KPNB1: variants seen among roughly 807,000 people sequenced by gnomAD.
KPNB1 encodes the protein importin subunit beta-1.
In KPNB1, 7 loss-of-function variants were observed where a neutral mutation model predicts 113.0. The observed-to-expected ratio is 0.06, with a 90% CI of 0.04 to 0.12. The LOEUF is 0.12. Ranked by LOEUF, KPNB1 falls within the 10% of genes least tolerant of loss-of-function variation. KPNB1 has a pLI of 1.00. For synonymous variants in KPNB1, 363 were observed against 378.6 expected (o/e 0.96, Z 0.48); for missense variants, 400 against 1,054.8 (o/e 0.38, Z 8.60).
chr17:47,676,825 T>TA, intron 16 of KPNB1, among the ~76,000 whole-genome samples, 195 bp from the exon 17 acceptor site: 1 of 151,638 alleles, frequency 6.6e-6, no homozygotes, highest in East Asian at 1.9e-4. Context: ...TTTTTTTTTT[T>TA]TTTAACTTTA....
At chr17:47,662,091 C>G (rs1435461626) in intron 6 of KPNB1, 2 of 152,126 alleles carry the variant, frequency 1.3e-5, no homozygotes, top group Non-Finnish European at 2.9e-5. Flanking sequence ...ACCATGGGTT[C>G]CACACGCACC....
Position 47,684,618 on chromosome 17 carries a change from T to C in KPNB1, c.*2214T>C, listed in dbSNP as rs2030888693. On this transcript the variant is annotated 3_prime_UTR_variant, in exon 22 of 22. Transcript: ENST00000290158. ...CTACCCATTTCTGTCCTGTGTGGGC[T>C]GCTTAGCTAGACAGCAGGAGAATAA... is the stretch of plus-strand genomic sequence containing the variant. The C allele has an allele frequency of 6.6e-6, 1 of 152,602 alleles. No homozygotes were observed. Among genetic ancestry groups the C allele is most frequent in the Non-Finnish European group, 1.5e-5 (1 of 68,032 alleles). 9.5% of individuals were successfully genotyped at this position (152,602 alleles called of 1,614,324 possible).
At chr17:47,657,965 C>A (rs144832989) in intron 4 of KPNB1, among the ~76,000 whole-genome samples, 1 of 152,176 alleles carries the variant, frequency 6.6e-6, no homozygotes, top group Non-Finnish European at 1.5e-5. Flanking sequence ...ACCTGTAGTC[C>A]CAGCTGCTTG....
chr17:47,674,225 G>T (rs1390806583), intron 14 of KPNB1, among the ~76,000 whole-genome samples: 1 of 152,204 alleles, frequency 6.6e-6, no homozygotes, highest in African/African-American at 2.4e-5. Context: ...TAGGTCATCT[G>T]TAAATAGGTA....
intron 10 of KPNB1, among the ~76,000 whole-genome samples, chr17:47,668,956 ACT>A (rs1044625792): frequency 6.6e-6 from 1 of 151,094 alleles, no homozygotes; most frequent in Non-Finnish European, 1.5e-5. Context: ...AACGAGCGAA[ACT>A]CTATCTCAAA....
chr17:47,672,554 CTAATTTT>C (rs1290606230), intron 12 of KPNB1, among the ~76,000 whole-genome samples: 1 of 151,964 alleles, frequency 6.6e-6, no homozygotes, highest in Non-Finnish European at 1.5e-5. Context: ...CTACACCTGG[CTAATTTT>C]TATATTTTTA....
At chr17:47,651,465 CTTATT>C in intron 2 of KPNB1, 1 of 508,616 alleles carries the variant, frequency 2.0e-6, no homozygotes, top group East Asian at 1.5e-4. Context: ...AGTGACAAGG[CTTATT>C]TTATACAGAC....
At chr17:47,681,794 G>A (rs975036636) in intron 21 of KPNB1, among the ~76,000 whole-genome samples, 2 of 148,930 alleles carry the variant, frequency 1.3e-5, no homozygotes. Context: ...GGTCTCCCAG[G>A]TGTGCACCAC....
At position 47,675,441 on chromosome 17, in the gene KPNB1, T is replaced by C. The variant is rs186199425; in HGVS notation, c.1912+659T>C. Among the ~76,000 whole-genome samples the C allele has an allele frequency of 2.4e-3, 338 of 139,956 alleles. 1 individual carries two copies. Among genetic ancestry groups the C allele is most frequent in the Middle Eastern group, 0.015 (4 of 274 alleles). 91.8% of individuals were successfully genotyped at this position (139,956 alleles called of 152,430 possible). The stretch of plus-strand genomic sequence containing the variant: ...CCCAGGATGGAGTGCAGTGGCACCA[T>C]CTTGGCTCACCACAGCCTCCACCTC... On this transcript the variant is annotated intron_variant, in intron 15 of 21. Transcript: ENST00000290158.
chr17:47,674,799 G>A lies in KPNB1; in HGVS notation c.1912+17G>A. 1 of 1,601,772 alleles carries A rather than the reference G, an allele frequency of 6.2e-7. No individual in the cohort carries two copies. Among genetic ancestry groups the A allele is most frequent in the Non-Finnish European group, 8.5e-7 (1 of 1,174,850 alleles). ...TGGTGGAAGGTCGGTGAGAAATACT[G>A]TCTGGTCAGGGAATGTCTTTGGAAT... On this transcript the variant is annotated intron_variant, in intron 15 of 21. Coordinates refer to ENST00000290158, the MANE Select transcript of KPNB1 (RefSeq NM_002265.6).
rs2030086279 is a variant in KPNB1 at position 47,661,259 on chromosome 17, G to C, written c.696+81G>C. The stretch of plus-strand genomic sequence containing the variant: ...ATCTAATATAAGTTTGAAATACTGG[G>C]AATCAGTTGACTTCAGCAATAAGGT... On this transcript the variant is annotated intron_variant, in intron 6 of 21. Transcript: ENST00000290158. The C allele has an allele frequency of 4.9e-6, 5 of 1,017,022 alleles. No homozygotes were observed. In the South Asian group the frequency reaches 5.1e-5, roughly 10 times the overall value. 63.0% of individuals were successfully genotyped at this position (1,017,022 alleles called of 1,614,324 possible). A position where few individuals can be genotyped will look rare whatever the true frequency, so the allele number is the denominator to read the frequency against.
In KPNB1 at chr17:47,683,118, A is replaced by ACC. The variant is rs1555619991; in HGVS notation, c.*714_*715insCC. 7.0e-6 allele frequency: 1 copy of ACC among 143,164 alleles called. No individual in the cohort carries two copies. The allele number at this position is 143,164 out of a possible 1,614,324, so 8.9% of individuals were successfully genotyped here. ...AAAAAAAAAAAAAAAAAAAAAAAAA[A>ACC]ACACACACACAGAGGAAAGACGCTC... On this transcript the variant is annotated 3_prime_UTR_variant, in exon 22 of 22. Coordinates refer to ENST00000290158, the MANE Select transcript of KPNB1 (RefSeq NM_002265.6).
rs2030858092 is a variant in KPNB1 at position 47,683,502 on chromosome 17, A to C, written c.*1098A>C. ...TGAACGCCCCCAGAAAATTGTGCCAAAGAGTTTAGAAAAATAAATATACAA... is the reference window on the plus strand; with the variant it reads ...TGAACGCCCCCAGAAAATTGTGCCACAGAGTTTAGAAAAATAAATATACAA... On this transcript the variant is annotated 3_prime_UTR_variant, in exon 22 of 22. Transcript: ENST00000290158. 6.6e-6 allele frequency: 1 copy of C among 152,590 alleles called. No homozygotes were observed. Among genetic ancestry groups the C allele is most frequent in the African/African-American group, 2.4e-5 (1 of 41,446 alleles). 9.5% of individuals were successfully genotyped at this position (152,590 alleles called of 1,614,324 possible). A position where few individuals can be genotyped will look rare whatever the true frequency, so the allele number is the denominator to read the frequency against.
intron 14 of KPNB1, 27 bp from the exon 15 acceptor site, chr17:47,674,611 G>C (rs2143161328): frequency 6.2e-7 from 1 of 1,604,156 alleles, no homozygotes; most frequent in Non-Finnish European, 8.5e-7. Context: ...GGAATCAACT[G>C]ATCTTGAACT....
In KPNB1 at chr17:47,680,142, A is replaced by T; in HGVS notation, c.2468+8A>T. 1 of 1,519,636 alleles carries T rather than the reference A, an allele frequency of 6.6e-7. No individual in the cohort carries two copies. The highest frequency in any genetic ancestry group is 9.1e-7 in the Non-Finnish European group (1 of 1,093,818). 94.1% of individuals were successfully genotyped at this position (1,519,636 alleles called of 1,614,324 possible). A position where few individuals can be genotyped will look rare whatever the true frequency, so the allele number is the denominator to read the frequency against. On this transcript the variant is annotated splice_region_variant and intron_variant, in intron 20 of 21. Coordinates refer to ENST00000290158, the MANE Select transcript of KPNB1 (RefSeq NM_002265.6). ...TGCTGCTGGACTAATAGGGTAAGTT[A>T]TACCCTGCTTCTAAGAGCTGAATAG...
intron 3 of KPNB1, among the ~76,000 whole-genome samples, chr17:47,656,175 C>T (rs189369642): frequency 3.7e-4 from 57 of 152,172 alleles, no homozygotes; most frequent in African/African-American, 1.3e-3. Flanking sequence ...AGGAGAATCG[C>T]TTGAACCCAG....
At position 47,650,003 on chromosome 17, in the gene KPNB1, C is replaced by T. The variant is rs761809559; in HGVS notation, c.-242C>T. 7.7e-5 allele frequency: 104 copies of T among 1,359,360 alleles called. No homozygotes were observed. Among genetic ancestry groups the T allele is most frequent in the Non-Finnish European group, 8.7e-5 (92 of 1,062,006 alleles). 84.2% of individuals were successfully genotyped at this position (1,359,360 alleles called of 1,614,324 possible). A position where few individuals can be genotyped will look rare whatever the true frequency, so the allele number is the denominator to read the frequency against. On this transcript the variant is annotated 5_prime_UTR_variant, in exon 1 of 22. Transcript: ENST00000290158. ...CCGAGCACCAGCGCGCTCTGAGCTG[C>T]CCCCAGGGTCCCTCCCCCGCCGCCA...
In KPNB1 at chr17:47,662,993, A is replaced by T; in HGVS notation, c.697-96A>T. The T allele has an allele frequency of 4.2e-6, 3 of 719,060 alleles. No individual in the cohort carries two copies. In the Admixed American group the frequency reaches 6.3e-5, roughly 15 times the overall value. 44.5% of individuals were successfully genotyped at this position (719,060 alleles called of 1,614,324 possible). A position where few individuals can be genotyped will look rare whatever the true frequency, so the allele number is the denominator to read the frequency against. On this transcript the variant is annotated intron_variant, in intron 6 of 21. Transcript: ENST00000290158. The stretch of plus-strand genomic sequence containing the variant: ...GATAACGTATCCCATATTTACCTCA[A>T]TTAATCCTTAGGATTATTGGCCCAT...
chr17:47,669,229 C>G (rs982190471), intron 10 of KPNB1, among the ~76,000 whole-genome samples: 5 of 152,112 alleles, frequency 3.3e-5, no homozygotes, highest in African/African-American at 1.2e-4. Context: ...GTGCCTCAGC[C>G]CCCTGAGTAG....
Sources: allele counts gnomAD v4.1 joint callset (sites outside exome capture counted in the v4.1 genomes callset), GRCh38; gene constraint gnomAD v4.1.1; transcripts MANE v1.5; gene names NCBI Gene and HGNC (gene_info 2026-07-23, HGNC 2026-07-21).